SAMD5: variants seen among roughly 807,000 people sequenced by gnomAD.
SAMD5 encodes sterile alpha motif domain-containing protein 5.
Under a neutral mutation model 11.3 loss-of-function variants are expected in SAMD5, and 13 were observed. The ratio of observed to expected loss-of-function variants is 1.15; its 90% CI spans 0.75 to 1.83. The LOEUF is 1.83. Ranked by LOEUF, SAMD5 falls within the 40% of genes most tolerant of loss-of-function variation. The pLI is 0.00. For synonymous variants in SAMD5, 129 were observed against 111.3 expected (o/e 1.16, Z -1.00); for missense variants, 255 against 239.1 (o/e 1.07, Z -0.44).
chr6:147,865,771 C>T, the SAMD5 span, among the ~76,000 whole-genome samples: 1 of 152,098 alleles, frequency 6.6e-6, no homozygotes, highest in Non-Finnish European at 1.5e-5. Context: ...AAAAAGAAAA[C>T]TCTCTTTCAT....
At chr6:147,684,118 C>G (rs184686925) in intron 1 of SAMD5, among the ~76,000 whole-genome samples, 9 of 152,094 alleles carry the variant, frequency 5.9e-5, no homozygotes, top group African/African-American at 2.2e-4. Context: ...CCCCTTCCCA[C>G]CATTACCTCT....
At chr6:147,793,242 C>A in the SAMD5 span, among the ~76,000 whole-genome samples, 1 of 152,134 alleles carries the variant, frequency 6.6e-6, no homozygotes, top group Non-Finnish European at 1.5e-5. Context: ...CCCCCCAAAT[C>A]CATAATCTCA....
At position 147,570,010 on chromosome 6, in the gene SAMD5, G is replaced by A; in HGVS notation, c.*5554G>A. On this transcript the variant is annotated 3_prime_UTR_variant, in exon 2 of 2. Transcript: ENST00000367474. ...TGTCCGCTCTTCAATAAATGTTACG[G>A]CTTTCACAGCGGTTCCGCCTTGGCC... 1.0e-6 allele frequency: 1 copy of A among 985,354 alleles called. No individual in the cohort carries two copies. The allele number at this position is 985,354 out of a possible 1,614,324, so 61.0% of individuals were successfully genotyped here.
At chr6:147,795,559 A>C in the SAMD5 span, among the ~76,000 whole-genome samples, 1 of 150,822 alleles carries the variant, frequency 6.6e-6, no homozygotes, top group Non-Finnish European at 1.5e-5. Flanking sequence ...AGCATGATTT[A>C]TAGTCCTTTG....
the SAMD5 span, among the ~76,000 whole-genome samples, chr6:147,925,470 T>C: frequency 1.3e-5 from 2 of 150,590 alleles, no homozygotes; most frequent in Non-Finnish European, 2.9e-5. Flanking sequence ...TTATAGGAAC[T>C]ATGGAAAATT....
At chr6:147,769,745 GC>G in the SAMD5 span, among the ~76,000 whole-genome samples, 2 of 152,150 alleles carry the variant, frequency 1.3e-5, no homozygotes, top group Admixed American at 1.3e-4. Context: ...TGTATTTTCT[GC>G]CTAAGGAGAT....
the SAMD5 span, among the ~76,000 whole-genome samples, chr6:147,909,625 TTTCTTTCTC>T: frequency 0.015 from 980 of 64,638 alleles, 65 homozygotes; most frequent in South Asian, 0.033. Flanking sequence ...TCTTTCTTTC[TTTCTTTCTC>T]TTTCTTGTCT....
the SAMD5 span, among the ~76,000 whole-genome samples, chr6:147,772,953 GTTTTGATC>G: frequency 6.6e-6 from 1 of 152,172 alleles, no homozygotes; most frequent in Non-Finnish European, 1.5e-5. Context: ...CCGCTATGCT[GTTTTGATC>G]CACTGAGGGT....
chr6:147,759,492 T>G, the SAMD5 span, among the ~76,000 whole-genome samples: 3 of 152,090 alleles, frequency 2.0e-5, no homozygotes, highest in East Asian at 5.8e-4. Flanking sequence ...CTGATAGCAT[T>G]AATATCTCAA....
the SAMD5 span, among the ~76,000 whole-genome samples, chr6:147,790,770 TTCTCTCTC>T: frequency 0.045 from 3,938 of 87,738 alleles, 143 homozygotes; most frequent in Non-Finnish European, 0.062. Flanking sequence ...CTCTCTCTCT[TTCTCTCTC>T]TCTCTCTCTC....
At chr6:147,718,983 G>A (rs1271831887) in intron 1 of SAMD5, among the ~76,000 whole-genome samples, 2 of 152,314 alleles carry the variant, frequency 1.3e-5, no homozygotes, top group East Asian at 1.9e-4. Context: ...GAGCCACCGC[G>A]CCCGGCCGAA....
intron 1 of SAMD5, among the ~76,000 whole-genome samples, chr6:147,595,295 G>A (rs1298022140): frequency 2.0e-5 from 3 of 152,036 alleles, no homozygotes; most frequent in Non-Finnish European, 4.4e-5. Flanking sequence ...CTTTATATGC[G>A]ATATATAACT....
rs1032155372 is a variant in SAMD5, at chr6:147,721,984, T to C, written c.163-15333T>C. 3.3e-5 allele frequency among the ~76,000 whole-genome samples: 5 copies of C among 152,384 alleles called. No individual in the cohort carries two copies. The East Asian group carries it at 9.6e-4, about 29-fold the overall frequency. On this transcript the variant is annotated intron_variant, in intron 1 of 1. Coordinates refer to the SAMD5 transcript ENST00000566741. ...AGAAGTGTTACAAGTCATATAGTTC[T>C]CTTCATTCAACTTTTTAATAAAAGA...
intron 1 of SAMD5, among the ~76,000 whole-genome samples, chr6:147,562,135 CCG>C (rs1788959983): frequency 6.6e-6 from 1 of 152,152 alleles, no homozygotes; most frequent in Non-Finnish European, 1.5e-5. Flanking sequence ...ATAGTCCACA[CCG>C]TTAGATGGGT....
chr6:147,706,082 G>A (rs1189689621), intron 1 of SAMD5, among the ~76,000 whole-genome samples: 1 of 152,018 alleles, frequency 6.6e-6, no homozygotes, highest in Non-Finnish European at 1.5e-5. Context: ...GATTTAAGTG[G>A]ATTAAAATGT....
At chr6:147,648,439 A>T (rs1473473143) in intron 1 of SAMD5, among the ~76,000 whole-genome samples, 1 of 152,204 alleles carries the variant, frequency 6.6e-6, no homozygotes, top group Non-Finnish European at 1.5e-5. Flanking sequence ...TATGGGGATT[A>T]CAATTCAAGC....
the SAMD5 span, among the ~76,000 whole-genome samples, chr6:147,824,361 T>G: frequency 6.6e-6 from 1 of 152,228 alleles, no homozygotes; most frequent in South Asian, 2.1e-4. Flanking sequence ...GCTTAAATGT[T>G]TTTAAACGAT....
chr6:147,785,553 G>A, the SAMD5 span, among the ~76,000 whole-genome samples: 1 of 152,136 alleles, frequency 6.6e-6, no homozygotes, highest in African/African-American at 2.4e-5. Flanking sequence ...AATCTTCTGG[G>A]CCAATACCCC....
intron 1 of SAMD5, among the ~76,000 whole-genome samples, chr6:147,576,750 C>T (rs1789223124): frequency 6.6e-6 from 1 of 152,186 alleles, no homozygotes; most frequent in African/African-American, 2.4e-5. Flanking sequence ...CTTCTGTTAT[C>T]TGTGATGTCC....
Sources: gnomAD v4.1 joint callset for allele counts (sites outside exome capture counted in the v4.1 genomes callset) on GRCh38, gnomAD v4.1.1 for gene constraint, MANE v1.5 for transcripts, NCBI Gene and HGNC (gene_info 2026-07-23, HGNC 2026-07-21) for gene names.